The following SH3BGRL2 variants were observed in gnomAD, a reference collection of about 807,000 sequenced individuals.
The protein encoded by SH3BGRL2 is SH3 domain-binding glutamic acid-rich-like protein 2.
In SH3BGRL2, 21 loss-of-function variants were observed where a neutral mutation model predicts 14.8. The ratio of observed to expected loss-of-function variants is 1.42; its 90% CI spans 1.01 to 2.05. SH3BGRL2 has a LOEUF of 2.05. Ranked by LOEUF, SH3BGRL2 falls within the 30% of genes most tolerant of loss-of-function variation. The pLI is 0.00. For synonymous variants in SH3BGRL2, 50 were observed against 47.8 expected, an observed-to-expected ratio of 1.05 and a Z score of -0.19; for missense variants, 147 against 130.8, an observed-to-expected ratio of 1.12 and a Z score of -0.61.
the SH3BGRL2 span, among the ~76,000 whole-genome samples, chr6:79,540,595 A>G: frequency 1.3e-5 from 2 of 152,200 alleles, no homozygotes; most frequent in African/African-American, 4.8e-5. Flanking sequence ...CTCTGTTTAA[A>G]GGATACAGTT....
intron 1 of SH3BGRL2, among the ~76,000 whole-genome samples, chr6:79,641,815 T>G (rs140691119): frequency 1.3e-5 from 2 of 152,308 alleles, no homozygotes; most frequent in African/African-American, 4.8e-5. Context: ...AAAAATTATA[T>G]ACAGTACATA....
the SH3BGRL2 span, among the ~76,000 whole-genome samples, chr6:79,608,491 G>T: frequency 6.6e-6 from 1 of 152,192 alleles, no homozygotes; most frequent in Admixed American, 6.5e-5. Flanking sequence ...CAAGAAACGT[G>T]TTTAACTCAC....
chr6:79,682,025 CACAT>C (rs1433304565), intron 2 of SH3BGRL2, among the ~76,000 whole-genome samples: 1 of 151,944 alleles, frequency 6.6e-6, no homozygotes, highest in Non-Finnish European at 1.5e-5. Flanking sequence ...TACACACACA[CACAT>C]ATTTTAAGTG....
chr6:79,611,585 G>GT, the SH3BGRL2 span, among the ~76,000 whole-genome samples: 4 of 151,968 alleles, frequency 2.6e-5, no homozygotes, highest in Non-Finnish European at 5.9e-5. Context: ...TAATTTCTGT[G>GT]TTTTTTAGTA....
the SH3BGRL2 span, among the ~76,000 whole-genome samples, chr6:79,602,853 A>G: frequency 1.3e-5 from 2 of 152,226 alleles, no homozygotes; most frequent in Non-Finnish European, 2.9e-5. Context: ...TAAAGTTTGA[A>G]TAATTTAAAG....
intron 2 of SH3BGRL2, among the ~76,000 whole-genome samples, chr6:79,689,665 G>A (rs905438979): frequency 1.3e-5 from 2 of 151,824 alleles, no homozygotes; most frequent in African/African-American, 2.4e-5. Flanking sequence ...TATTTTATAG[G>A]TGTTGGTTTA....
In SH3BGRL2 at chr6:79,703,128, A is replaced by G. The variant is rs182065124; in HGVS notation, c.*3619A>G. The G allele has an allele frequency of 1.3e-5, 2 of 152,326 alleles. No individual in the cohort carries two copies. The highest frequency in any genetic ancestry group is 1.3e-4 in the Admixed American group (2 of 15,304). The allele number at this position is 152,326 out of a possible 1,614,324, so 9.4% of individuals were successfully genotyped here. The stretch of plus-strand genomic sequence containing the variant: ...GTTTTCCTAGTTCTTCTAGAAATAC[A>G]TGTCAGGTTTGTTTGTTCATCCTTT... On this transcript the variant is annotated 3_prime_UTR_variant, in exon 4 of 4. Coordinates refer to ENST00000369838, the MANE Select transcript of SH3BGRL2 (RefSeq NM_031469.4).
In SH3BGRL2 at chr6:79,664,135, G is replaced by A. The variant is rs114493862; in HGVS notation, c.46-9479G>A. ...CCCTGTCCTTCCCAGGTGAGGTGAC[G>A]TCCCACCCTGCTTCAGCTCGCCCTC... On this transcript the variant is annotated intron_variant, in intron 1 of 3. Coordinates refer to ENST00000369838, the MANE Select transcript of SH3BGRL2 (RefSeq NM_031469.4). Among the ~76,000 whole-genome samples, 455 of 152,300 alleles carry A rather than the reference G, an allele frequency of 3.0e-3. 3 individuals are homozygous for A. The highest frequency in any genetic ancestry group is 0.011 in the African/African-American group (439 of 41,578).
At chr6:79,633,578 C>T (rs946465823) in intron 1 of SH3BGRL2, among the ~76,000 whole-genome samples, 16 of 152,128 alleles carry the variant, frequency 1.1e-4, no homozygotes, top group Non-Finnish European at 2.4e-4. Flanking sequence ...AGTTAGAAGA[C>T]ATACACAGTT....
the SH3BGRL2 span, among the ~76,000 whole-genome samples, chr6:79,542,549 G>A: frequency 1.3e-5 from 2 of 152,222 alleles, no homozygotes; most frequent in Non-Finnish European, 1.5e-5. Context: ...GATTACAGGC[G>A]TGAGCCACCA....
the SH3BGRL2 span, among the ~76,000 whole-genome samples, chr6:79,618,415 T>C: frequency 4.6e-5 from 7 of 152,188 alleles, no homozygotes; most frequent in African/African-American, 1.7e-4. Flanking sequence ...CAAAAGAAAA[T>C]GGCCAGGTTG....
chr6:79,614,508 C>T, the SH3BGRL2 span, among the ~76,000 whole-genome samples: 1,127 of 152,288 alleles, frequency 7.4e-3, 14 homozygotes, highest in Non-Finnish European at 0.011. Context: ...AGGGTCTAGA[C>T]TTCAGACTTT....
intron 1 of SH3BGRL2, among the ~76,000 whole-genome samples, chr6:79,644,952 G>A (rs922190492): frequency 6.6e-6 from 1 of 152,122 alleles, no homozygotes; most frequent in Admixed American, 6.5e-5. Flanking sequence ...CAGAGGTCAG[G>A]AGTTGGAGAC....
At chr6:79,653,290 T>C (rs188461440) in intron 1 of SH3BGRL2, among the ~76,000 whole-genome samples, 1 of 152,188 alleles carries the variant, frequency 6.6e-6, no homozygotes, top group South Asian at 2.1e-4. Context: ...TAACATAAAA[T>C]TGGGTGTGTT....
intron 1 of SH3BGRL2, among the ~76,000 whole-genome samples, chr6:79,648,223 C>T (rs1769180833): frequency 7.6e-6 from 1 of 131,530 alleles, no homozygotes. Context: ...TCTGACCTAC[C>T]TTTGCAACAT....
the SH3BGRL2 span, among the ~76,000 whole-genome samples, chr6:79,586,879 G>C: frequency 1.3e-5 from 2 of 152,244 alleles, no homozygotes; most frequent in Non-Finnish European, 2.9e-5. Context: ...GACAAAAAAG[G>C]TGTTGTGTGG....
chr6:79,673,882 T>A, intron 2 of SH3BGRL2, 83 bp downstream of exon 2: 1 of 1,391,028 alleles, frequency 7.2e-7, no homozygotes, highest in Non-Finnish European at 9.8e-7. Context: ...GTTTTTCCAG[T>A]GAAGACTGTG....
chr6:79,582,405 C>T, the SH3BGRL2 span, among the ~76,000 whole-genome samples: 21 of 152,212 alleles, frequency 1.4e-4, no homozygotes, highest in Non-Finnish European at 2.2e-4. Flanking sequence ...GCTACAGTAA[C>T]CAAAACAGCA....
intron 1 of SH3BGRL2, among the ~76,000 whole-genome samples, chr6:79,655,923 G>T (rs990717392): frequency 6.6e-6 from 1 of 152,206 alleles, no homozygotes; most frequent in Non-Finnish European, 1.5e-5. Flanking sequence ...TCACCCAAGG[G>T]TGGAAAGCCA....
Sources: allele counts gnomAD v4.1 joint callset (sites outside exome capture counted in the v4.1 genomes callset), GRCh38; gene constraint gnomAD v4.1.1; transcripts MANE v1.5; gene names NCBI Gene and HGNC (gene_info 2026-07-23, HGNC 2026-07-21).